Variants in TNR observed in about 807,000 individuals in gnomAD.
The protein encoded by TNR is tenascin-R.
A neutral mutation model predicts 150.4 loss-of-function variants in TNR; 45 were observed. That is an observed-to-expected ratio of 0.30 (90% CI 0.24 to 0.38). The LOEUF (loss-of-function observed/expected upper bound fraction) is 0.38, where lower values mean the gene tolerates loss of function less well. TNR is among the 10% of genes least tolerant of loss of function. The pLI, the probability that TNR is intolerant of heterozygous loss-of-function variation, is 1.00. For missense variants in TNR, 1,544 were observed against 1,759.1 expected (o/e 0.88, Z 2.19); for synonymous variants, 687 against 678.4 (o/e 1.01, Z -0.20).
chr1:175,695,431 T>TG (rs200738294), intron 1 of TNR, among the ~76,000 whole-genome samples: 4,242 of 152,352 alleles, frequency 0.028, 192 homozygotes, highest in African/African-American at 0.096. Flanking sequence ...CCACAATCCC[T>TG]GACCCACAGA....
intron 18 of TNR, among the ~76,000 whole-genome samples, chr1:175,338,558 A>G (rs928864782): frequency 8.5e-5 from 13 of 152,164 alleles, no homozygotes; most frequent in African/African-American, 3.1e-4. Flanking sequence ...GGTGCTCTGT[A>G]AATAGTATGA....
intron 2 of TNR, among the ~76,000 whole-genome samples, chr1:175,492,098 A>G (rs1658285376): frequency 6.6e-6 from 1 of 152,228 alleles, no homozygotes; most frequent in South Asian, 2.1e-4. Flanking sequence ...AACTATTTCC[A>G]TAAACAACTT....
At chr1:175,379,525 T>C in intron 9 of TNR, 27 bp downstream of exon 9, 1 of 1,600,840 alleles carries the variant, frequency 6.2e-7, no homozygotes, top group South Asian at 1.1e-5. Flanking sequence ...GCAACCAGCA[T>C]AACCCCAAGA....
At chr1:175,628,556 C>A (rs1297212208) in intron 1 of TNR, among the ~76,000 whole-genome samples, 1 of 149,848 alleles carries the variant, frequency 6.7e-6, no homozygotes, top group African/African-American at 2.4e-5. Flanking sequence ...CCTTTTTTTG[C>A]GCCATTGTTA....
chr1:175,445,514 C>T (rs968374019), intron 2 of TNR, among the ~76,000 whole-genome samples: 1 of 152,108 alleles, frequency 6.6e-6, no homozygotes, highest in Non-Finnish European at 1.5e-5. Flanking sequence ...GTTGACTTTA[C>T]AGGCATGTAC....
At chr1:175,442,532 C>A (rs749320331) in intron 2 of TNR, among the ~76,000 whole-genome samples, 2 of 151,676 alleles carry the variant, frequency 1.3e-5, no homozygotes, top group Non-Finnish European at 2.9e-5. Context: ...AAGGCCAACT[C>A]AGACACAAAC....
rs186533612 is a variant in TNR at position 175,474,981 on chromosome 1, A to C, written c.-64+53288T>G. Reference sequence around the variant, plus strand: ...TTTAGTGCTTAGAATAATGCCAGGCATAGAGAGAATGTTCTCTAAATGTTT... The same window carrying C: ...TTTAGTGCTTAGAATAATGCCAGGCCTAGAGAGAATGTTCTCTAAATGTTT... On this transcript the variant is annotated intron_variant, in intron 2 of 22. Transcript: ENST00000367674. 2.6e-5 allele frequency among the ~76,000 whole-genome samples: 4 copies of C among 152,350 alleles called. No homozygotes were observed. In the South Asian group the frequency reaches 6.2e-4, roughly 24 times the overall value.
intron 1 of TNR, among the ~76,000 whole-genome samples, chr1:175,662,805 G>A (rs1259452147): frequency 6.6e-6 from 1 of 152,188 alleles, no homozygotes; most frequent in Non-Finnish European, 1.5e-5. Flanking sequence ...TCAGGTTGGG[G>A]GTACCCTCAG....
At chr1:175,618,703 C>G (rs1571682170) in intron 1 of TNR, among the ~76,000 whole-genome samples, 1 of 152,208 alleles carries the variant, frequency 6.6e-6, no homozygotes, top group African/African-American at 2.4e-5. Context: ...ATCCCCCAAC[C>G]TGGTTGGCCT....
At chr1:175,415,205 G>A (rs1271531873) in intron 2 of TNR, among the ~76,000 whole-genome samples, 6 of 150,612 alleles carry the variant, frequency 4.0e-5, no homozygotes, top group Admixed American at 4.0e-4. Context: ...CCGTTGGGAT[G>A]CTCTGTCACT....
chr1:175,389,158 T>C (rs1184721484), intron 7 of TNR, among the ~76,000 whole-genome samples: 1 of 152,194 alleles, frequency 6.6e-6, no homozygotes, highest in African/African-American at 2.4e-5. Context: ...CACCTTGGTG[T>C]GCTGAGTACT....
At chr1:175,646,985 G>A (rs546042755) in intron 1 of TNR, among the ~76,000 whole-genome samples, 27 of 152,304 alleles carry the variant, frequency 1.8e-4, no homozygotes, top group Admixed American at 7.2e-4. Context: ...ATCTTTCCAG[G>A]CTCCCAGCTG....
At chr1:175,389,832 C>T (rs998221102) in intron 7 of TNR, among the ~76,000 whole-genome samples, 19 of 152,258 alleles carry the variant, frequency 1.2e-4, no homozygotes, top group South Asian at 6.2e-4. Flanking sequence ...CCTCAGCCAC[C>T]GGCCTTCTGG....
At chr1:175,574,459 T>C (rs1246303314) in intron 1 of TNR, among the ~76,000 whole-genome samples, 1 of 152,146 alleles carries the variant, frequency 6.6e-6, no homozygotes, top group Admixed American at 6.5e-5. Flanking sequence ...CCTCAGGTCT[T>C]TCCCTCCAAT....
intron 1 of TNR, among the ~76,000 whole-genome samples, chr1:175,673,035 G>T (rs1042716513): frequency 6.6e-6 from 1 of 152,040 alleles, no homozygotes; most frequent in Non-Finnish European, 1.5e-5. Flanking sequence ...AGCCACACAG[G>T]GCCCTTACCA....
intron 2 of TNR, among the ~76,000 whole-genome samples, chr1:175,524,853 G>A (rs547619950): frequency 1.2e-3 from 183 of 152,258 alleles, no homozygotes; most frequent in African/African-American, 4.2e-3. Flanking sequence ...AGATAATATG[G>A]TCTTAATGAA....
chr1:175,341,102 G>C (rs1226137979), intron 18 of TNR, among the ~76,000 whole-genome samples: 1 of 152,218 alleles, frequency 6.6e-6, no homozygotes, highest in East Asian at 1.9e-4. Flanking sequence ...CTGTTCTGCT[G>C]TATTCAATGT....
chr1:175,684,432 C>G (rs1445013159), intron 1 of TNR, among the ~76,000 whole-genome samples: 1 of 152,150 alleles, frequency 6.6e-6, no homozygotes, highest in African/African-American at 2.4e-5. Context: ...CAAAGGGCAT[C>G]AATTAGGACT....
intron 2 of TNR, among the ~76,000 whole-genome samples, chr1:175,471,349 A>G (rs1657279080): frequency 6.6e-6 from 1 of 152,194 alleles, no homozygotes. Flanking sequence ...GATTAGTGCT[A>G]AGAAATGTGT....
Sources: allele counts gnomAD v4.1 joint callset (sites outside exome capture counted in the v4.1 genomes callset), GRCh38; gene constraint gnomAD v4.1.1; transcripts MANE v1.5; gene names NCBI Gene and HGNC (gene_info 2026-07-23, HGNC 2026-07-21).